Variants in ZNF563 observed in about 807,000 individuals in gnomAD.
ZNF563 encodes the protein zinc finger protein 563.
A neutral mutation model predicts 48.5 loss-of-function variants in ZNF563; 39 were observed. That is an observed-to-expected ratio of 0.80 (90% confidence interval 0.62 to 1.05). The LOEUF (loss-of-function observed/expected upper bound fraction) is 1.05. Among genes scored for constraint, ZNF563 ranks in the 50% least tolerant of loss-of-function variants. The pLI, the probability that ZNF563 is intolerant of heterozygous loss-of-function variation, is 0.00. For synonymous variants in ZNF563, 168 were observed against 187.9 expected (o/e 0.89, Z 0.87); for missense variants, 538 against 597.0 (o/e 0.90, Z 1.03).
chr19:12,320,110 G>A (rs1281558083), intron 3 of ZNF563, among the ~76,000 whole-genome samples: 2 of 152,090 alleles, frequency 1.3e-5, no homozygotes, highest in Non-Finnish European at 2.9e-5. Flanking sequence ...TAGAGACAGG[G>A]TTTTGCCATG....
intron 1 of ZNF563, among the ~76,000 whole-genome samples, chr19:12,325,495 A>G (rs759689957): frequency 5.7e-4 from 86 of 151,576 alleles, no homozygotes; most frequent in Admixed American, 2.6e-3. Context: ...AAAGACATAC[A>G]TTAGCCCACC....
chr19:12,319,963 C>T, intron 3 of ZNF563, 130 bp from the exon 4 acceptor site: 3 of 853,664 alleles, frequency 3.5e-6, no homozygotes, highest in Non-Finnish European at 5.3e-6. Context: ...GTCACCCAGG[C>T]TAGAGTGCAG....
In ZNF563 at chr19:12,319,787, A is replaced by T; in HGVS notation, c.238T>A (p.Cys80Ser). Residue 80 changes from cysteine to serine, a missense_variant, in exon 4 of 4, where the codon TGT becomes AGT. Physicochemically the swap from Cys to Ser is moderately radical, Grantham distance 112. Coordinates refer to ENST00000293725, the MANE Select transcript of ZNF563 (RefSeq NM_145276.3). ...RFSESKDSSQCGETFSLIRDS... is the reference protein window; with the variant it reads ...RFSESKDSSQSGETFSLIRDS... ...CGAATGAGGCTAAATGTTTCTCCAC[A>T]CTGACTACTGTCTTTACTTTCACTG... 1 of 1,613,990 alleles carries T rather than the reference A, an allele frequency of 6.2e-7. No individual in the cohort carries two copies. The highest frequency in any genetic ancestry group is 1.7e-5 in the Admixed American group (1 of 59,988).
chr19:12,344,892 C>T, the ZNF563 span, among the ~76,000 whole-genome samples: 3 of 151,996 alleles, frequency 2.0e-5, no homozygotes, highest in Non-Finnish European at 4.4e-5. Flanking sequence ...AATATAAAAT[C>T]AATACACAAA....
At chr19:12,333,857 G>A (rs947473532), upstream of ZNF563, 4 of 295,860 alleles carry the variant, frequency 1.4e-5, no homozygotes, top group Non-Finnish European at 1.9e-5. Context: ...CCCTTGACAG[G>A]GCAGGCTTCC....
intron 1 of ZNF563, among the ~76,000 whole-genome samples, chr19:12,327,276 A>T (rs772230950): frequency 6.6e-6 from 1 of 152,126 alleles, no homozygotes; most frequent in South Asian, 2.1e-4. Context: ...CCTGGCCAAC[A>T]TGGTGAAACC....
intron 1 of ZNF563, among the ~76,000 whole-genome samples, chr19:12,330,504 G>A (rs1023538971): frequency 2.4e-4 from 37 of 152,108 alleles, no homozygotes; most frequent in African/African-American, 8.7e-4. Flanking sequence ...CACACATCAA[G>A]GCTTTGAAGT....
the ZNF563 span, among the ~76,000 whole-genome samples, chr19:12,339,279 T>C: frequency 7.6e-5 from 10 of 130,792 alleles, no homozygotes; most frequent in African/African-American, 2.9e-4. Context: ...ATTTCTTTTT[T>C]TTTTTTTTTT....
intron 1 of ZNF563, among the ~76,000 whole-genome samples, chr19:12,324,011 TATGA>T (rs1568475406): frequency 6.6e-6 from 1 of 152,236 alleles, no homozygotes; most frequent in Non-Finnish European, 1.5e-5. Flanking sequence ...TGTTATCTCT[TATGA>T]ATATTTATAA....
chr19:12,347,097 C>T, the ZNF563 span: 2 of 152,256 alleles, frequency 1.3e-5, no homozygotes, highest in South Asian at 4.1e-4. Context: ...GTTGGTAGTT[C>T]AAAGGGTAAC....
At chr19:12,341,557 A>C in the ZNF563 span, among the ~76,000 whole-genome samples, 2 of 152,158 alleles carry the variant, frequency 1.3e-5, no homozygotes, top group African/African-American at 4.8e-5. Context: ...CAAATAGAAC[A>C]GGGGGGGCTA....
chr19:12,319,179 T>G lies in ZNF563; in HGVS notation c.846A>C (p.Thr282=). The G allele has an allele frequency of 1.2e-6, 2 of 1,614,186 alleles. No individual in the cohort carries two copies. Among genetic ancestry groups the G allele is most frequent in the Non-Finnish European group, 1.7e-6 (2 of 1,180,028 alleles). Residue 282 remains threonine, a synonymous_variant, in exon 4 of 4, where the codon ACA becomes ACC. Transcript: ENST00000293725. Reference sequence around the variant, plus strand: ...TGAAGGCTTTCCCACACTGTTTACATGTATATGGTTTCTCTCCAGTGTGAG... The same window carrying G: ...TGAAGGCTTTCCCACACTGTTTACAGGTATATGGTTTCTCTCCAGTGTGAG... ...ERTHTGEKPY[T]CKQCGKAFSV... is the part of the protein sequence containing the mutation.
At position 12,318,429 on chromosome 19, in the gene ZNF563, T is replaced by A; in HGVS notation, c.*165A>T. On this transcript the variant is annotated 3_prime_UTR_variant, in exon 4 of 4. Coordinates refer to ENST00000293725, the MANE Select transcript of ZNF563 (RefSeq NM_145276.3). Reference sequence around the variant, plus strand: ...ATCGATCACTTTCCCACATTCCTTATATCATACAGCATCTCTCCAGTGTGA... The same window carrying A: ...ATCGATCACTTTCCCACATTCCTTAAATCATACAGCATCTCTCCAGTGTGA... The A allele has an allele frequency of 1.2e-6, 1 of 804,666 alleles. No homozygotes were observed. The highest frequency in any genetic ancestry group is 1.9e-6 in the Non-Finnish European group (1 of 523,932). 49.8% of individuals were successfully genotyped at this position (804,666 alleles called of 1,614,324 possible).
rs757126632 is a variant in ZNF563 at position 12,319,508 on chromosome 19, C to T, written c.517G>A (p.Glu173Lys). 1 of 1,614,172 alleles carries T rather than the reference C, an allele frequency of 6.2e-7. No homozygotes were observed. Among genetic ancestry groups the T allele is most frequent in the Non-Finnish European group, 8.5e-7 (1 of 1,180,024 alleles). Reference sequence around the variant, plus strand: ...CGAGAACTGAAGGTTTTTCCACATTCCTTACACTCATAGCGTTTCTTTCCA... The same window carrying T: ...CGAGAACTGAAGGTTTTTCCACATTTCTTACACTCATAGCGTTTCTTTCCA... ...HTGKKRYECK[E>K]CGKTFSSRRN... is the part of the protein sequence containing the mutation. Residue 173 changes from glutamate to lysine, a missense_variant, in exon 4 of 4, where the codon GAA (glutamate) becomes AAA (lysine). Glu to Lys is a moderately conservative substitution (Grantham distance 56). Transcript: ENST00000293725.
chr19:12,327,759 A>G (rs762794694), intron 1 of ZNF563, among the ~76,000 whole-genome samples: 20 of 152,214 alleles, frequency 1.3e-4, no homozygotes, highest in Non-Finnish European at 2.6e-4. Context: ...AAACAGCTCT[A>G]TTACATTCAG....
At chr19:12,331,831 G>A (rs1006381893) in intron 1 of ZNF563, among the ~76,000 whole-genome samples, 3 of 152,188 alleles carry the variant, frequency 2.0e-5, no homozygotes, top group Admixed American at 6.5e-5. Flanking sequence ...TCATCAGCTG[G>A]TGGTTTCCAA....
intron 3 of ZNF563, among the ~76,000 whole-genome samples, chr19:12,320,322 T>C (rs1240835621): frequency 2.0e-5 from 3 of 152,066 alleles, no homozygotes; most frequent in African/African-American, 4.8e-5. Flanking sequence ...GCTGGGTTTT[T>C]TTTTTTTCCT....
chr19:12,331,252 G>C (rs1394305872), intron 1 of ZNF563, among the ~76,000 whole-genome samples: 1 of 152,172 alleles, frequency 6.6e-6, no homozygotes, highest in Non-Finnish European at 1.5e-5. Flanking sequence ...GGGAGGGGCA[G>C]TGCTGACTGG....
chr19:12,318,694 G>T lies in ZNF563; in HGVS notation c.1331C>A (p.Thr444Lys). 1.9e-6 allele frequency: 3 copies of T among 1,614,094 alleles called. No individual in the cohort carries two copies. Among genetic ancestry groups the T allele is most frequent in the Non-Finnish European group, 2.5e-6 (3 of 1,180,024 alleles). Residue 444 changes from threonine to lysine, a missense_variant, in exon 4 of 4, where the codon ACG (threonine) becomes AAG (lysine). Coordinates refer to ENST00000293725, the MANE Select transcript of ZNF563 (RefSeq NM_145276.3). The part of the protein sequence containing the change: ...SSFRRHMVMH[T>K]GDGPNKCKVC... The stretch of plus-strand genomic sequence containing the variant: ...CTTGCATTTATTCGGCCCATCTCCC[G>T]TATGCATTACCATATGTCTTCGAAA...
Sources: allele counts gnomAD v4.1 joint callset (sites outside exome capture counted in the v4.1 genomes callset), GRCh38; gene constraint gnomAD v4.1.1; transcripts MANE v1.5; gene names NCBI Gene and HGNC (gene_info 2026-07-23, HGNC 2026-07-21).